The following ZMAT3 variants were observed in gnomAD, a reference collection of about 807,000 sequenced individuals.
The protein encoded by ZMAT3 is zinc finger matrin-type protein 3.
ZMAT3 carries 17 observed loss-of-function variants against 32.3 expected under a neutral mutation model. The observed-to-expected ratio is 0.53, with a 90% CI of 0.36 to 0.79. ZMAT3 has a LOEUF of 0.79. ZMAT3 is among the 30% of genes least tolerant of loss of function. The probability of loss-of-function intolerance (pLI) is 0.00; values close to 1 mark genes in which losing one functional copy is unlikely to be tolerated. For synonymous variants in ZMAT3, 120 were observed against 133.1 expected, an observed-to-expected ratio of 0.90 and a Z score of 0.68; for missense variants, 329 against 359.7, an observed-to-expected ratio of 0.91 and a Z score of 0.69.
chr3:179,067,614 G>C lies in ZMAT3; in HGVS notation c.139C>G (p.Leu47Val). ...KPFGQEASLP[L>V]AGEEELSKGG... ...TTCGATAACTCTTCTTCCCCTGCAA[G>C]AGGCAAGGAAGCCTCCTGCCCAAAA... Residue 47 changes from leucine (L) to valine (V), a missense_variant, in exon 2 of 6, where the codon CTT becomes GTT. Coordinates refer to ENST00000311417, the MANE Select transcript of ZMAT3 (RefSeq NM_022470.4). 1 of 1,614,204 alleles carries C rather than the reference G, an allele frequency of 6.2e-7. No individual in the cohort carries two copies. Among genetic ancestry groups the C allele is most frequent in the Admixed American group, 1.7e-5 (1 of 60,018 alleles).
chr3:179,031,947 C>T (rs1448849783), intron 2 of ZMAT3, among the ~76,000 whole-genome samples: 1 of 4,966 alleles, frequency 2.0e-4, no homozygotes, highest in African/African-American at 8.7e-4. Context: ...CTCCCCCTCC[C>T]CCTCCCCCTC....
Position 179,021,459 on chromosome 3 carries a change from A to T in ZMAT3, c.*3558T>A, listed in dbSNP as rs1484173525. 4 of 152,198 alleles carry T rather than the reference A, an allele frequency of 2.6e-5. No homozygotes were observed. The highest frequency in any genetic ancestry group is 2.1e-4 in the South Asian group (1 of 4,832). The allele number at this position is 152,198 out of a possible 1,614,324, so 9.4% of individuals were successfully genotyped here. Reference sequence around the variant, plus strand: ...CATCTTCTAACGTTGATTTTTTATGACAACTTACACAAAGATATTATTCAC... The same window carrying T: ...CATCTTCTAACGTTGATTTTTTATGTCAACTTACACAAAGATATTATTCAC... On this transcript the variant is annotated 3_prime_UTR_variant, in exon 6 of 6. Transcript: ENST00000311417.
Position 179,023,689 on chromosome 3 carries a change from A to AATATATATATATATAT in ZMAT3, c.*1327_*1328insATATATATATATATAT, listed in dbSNP as rs1232846996. ...CTTTGTTTCCTAAAAACTGCTGGAAAATATATCTATATATATATATATTTT... is the reference window on the plus strand; with the variant it reads ...CTTTGTTTCCTAAAAACTGCTGGAAAATATATATATATATATATATATCTATATATATATATATTTT... On this transcript the variant is annotated 3_prime_UTR_variant, in exon 6 of 6. Coordinates refer to ENST00000311417, the MANE Select transcript of ZMAT3 (RefSeq NM_022470.4). 0.02 allele frequency: 841 copies of AATATATATATATATAT among 42,126 alleles called. 211 individuals carry two copies. Among genetic ancestry groups the AATATATATATATATAT allele is most frequent in the African/African-American group, 0.04 (296 of 7,412 alleles). The allele number at this position is 42,126 out of a possible 1,614,324, so 2.6% of individuals were successfully genotyped here.
At chr3:179,067,875 T>C in intron 1 of ZMAT3, 66 bp from the exon 2 acceptor site, 5 of 1,396,040 alleles carry the variant, frequency 3.6e-6, no homozygotes, top group South Asian at 2.8e-5. Flanking sequence ...CAAGATAACA[T>C]GTAAATGACA....
intron 1 of ZMAT3, among the ~76,000 whole-genome samples, chr3:179,071,024 G>A (rs1025775178): frequency 2.6e-5 from 4 of 152,020 alleles, no homozygotes; most frequent in Non-Finnish European, 5.9e-5. Context: ...GAAAGGCAGC[G>A]AGCATTACTC....
rs1718381204 is a variant in ZMAT3 at position 179,018,415 on chromosome 3, A to T, written c.*6602T>A. The stretch of plus-strand genomic sequence containing the variant: ...CTTAATTTGGAACTATGGCCATGAG[A>T]ATATGTTTAAGTTCAAAGAACTGCC... On this transcript the variant is annotated 3_prime_UTR_variant, in exon 6 of 6. Coordinates refer to ENST00000311417, the MANE Select transcript of ZMAT3 (RefSeq NM_022470.4). 1 of 152,126 alleles carries T rather than the reference A, an allele frequency of 6.6e-6. No homozygotes were observed. The highest frequency in any genetic ancestry group is 6.6e-5 in the Admixed American group (1 of 15,264). The allele number at this position is 152,126 out of a possible 1,614,324, so 9.4% of individuals were successfully genotyped here.
chr3:179,031,936 C>CCTCTCCCT (rs1560085566), intron 2 of ZMAT3, among the ~76,000 whole-genome samples: 1 of 1,406 alleles, frequency 7.1e-4, no homozygotes, highest in Non-Finnish European at 1.7e-3. Context: ...TCTCCCTCTC[C>CCTCTCCCT]CTCCCCCTCC....
intron 2 of ZMAT3, among the ~76,000 whole-genome samples, chr3:179,052,454 T>TA (rs1358613349): frequency 6.6e-6 from 1 of 152,200 alleles, no homozygotes; most frequent in Non-Finnish European, 1.5e-5. Flanking sequence ...GATACCACCT[T>TA]ACTCCTGCAA....
intron 2 of ZMAT3, among the ~76,000 whole-genome samples, chr3:179,049,991 CAAAAAAAAAAAAAAA>C (rs34239014): frequency 1.2e-4 from 1 of 8,128 alleles, no homozygotes; most frequent in Non-Finnish European, 2.1e-4. Flanking sequence ...GACTCCGTCT[CAAAAAAAAAAAAAAA>C]AAAAAAAAAA....
intron 5 of ZMAT3, among the ~76,000 whole-genome samples, chr3:179,026,586 G>A (rs968034863): frequency 8.6e-5 from 13 of 151,792 alleles, no homozygotes; most frequent in African/African-American, 1.7e-4. Flanking sequence ...GGGTTTCACC[G>A]TGTTGGCCAG....
Position 179,022,488 on chromosome 3 carries a change from A to G in ZMAT3, c.*2529T>C, listed in dbSNP as rs1245284570. 3 of 152,130 alleles carry G rather than the reference A, an allele frequency of 2.0e-5. No homozygotes were observed. Among genetic ancestry groups the G allele is most frequent in the Non-Finnish European group, 4.4e-5 (3 of 68,016 alleles). The allele number at this position is 152,130 out of a possible 1,614,324, so 9.4% of individuals were successfully genotyped here. ...AGGAAAAAAACTAGATTTTTAGGTA[A>G]TCATAGAACCAAGCGGCCAGCACTA... On this transcript the variant is annotated 3_prime_UTR_variant, in exon 6 of 6. Coordinates refer to ENST00000311417, the MANE Select transcript of ZMAT3 (RefSeq NM_022470.4).
Position 179,025,008 on chromosome 3 carries a change from T to C in ZMAT3, c.*9A>G. On this transcript the variant is annotated 3_prime_UTR_variant, in exon 6 of 6. Coordinates refer to ENST00000311417, the MANE Select transcript of ZMAT3 (RefSeq NM_022470.4). ...CAGGAAAAGCTGCTCTATCTTAATA[T>C]GATAATCACTATACATATCCCAGAT... is the stretch of plus-strand genomic sequence containing the variant. The C allele has an allele frequency of 1.2e-6, 2 of 1,613,908 alleles. No homozygotes were observed.
Position 179,020,962 on chromosome 3 carries a change from T to C in ZMAT3, c.*4055A>G, listed in dbSNP as rs925859103. The stretch of plus-strand genomic sequence containing the variant: ...AAGCTTTCTAAAATGAGGTGGAAGA[T>C]CTCGTGCTTCTTGTTAGCTTTTTAA... On this transcript the variant is annotated 3_prime_UTR_variant, in exon 6 of 6. Transcript: ENST00000311417. The C allele has an allele frequency of 1.3e-5, 2 of 152,040 alleles. No homozygotes were observed. The highest frequency in any genetic ancestry group is 4.8e-5 in the African/African-American group (2 of 41,382). The allele number at this position is 152,040 out of a possible 1,614,324, so 9.4% of individuals were successfully genotyped here.
At chr3:179,040,167 T>C (rs1013470674) in intron 2 of ZMAT3, among the ~76,000 whole-genome samples, 2 of 152,206 alleles carry the variant, frequency 1.3e-5, no homozygotes, top group African/African-American at 4.8e-5. Flanking sequence ...TTCAGGATAT[T>C]ATCCAGGAGA....
At chr3:179,058,915 A>AG (rs1721007741) in intron 2 of ZMAT3, among the ~76,000 whole-genome samples, 1 of 152,194 alleles carries the variant, frequency 6.6e-6, no homozygotes, top group South Asian at 2.1e-4. Flanking sequence ...AATTAGGAGA[A>AG]GGAAAAAGGG....
chr3:179,040,160 A>T (rs1719837985), intron 2 of ZMAT3, among the ~76,000 whole-genome samples: 1 of 152,228 alleles, frequency 6.6e-6, no homozygotes. Context: ...AACACTCTTC[A>T]GGATATTATC....
chr3:179,050,506 C>T (rs991808109), intron 2 of ZMAT3, among the ~76,000 whole-genome samples: 1 of 151,974 alleles, frequency 6.6e-6, no homozygotes, highest in Non-Finnish European at 1.5e-5. Context: ...AGTCCAAGAC[C>T]AGAAAGATGC....
At chr3:179,040,461 A>C (rs1719858030) in intron 2 of ZMAT3, among the ~76,000 whole-genome samples, 1 of 152,226 alleles carries the variant, frequency 6.6e-6, no homozygotes, top group Non-Finnish European at 1.5e-5. Flanking sequence ...TTCAACCCAG[A>C]ATTTCATATC....
intron 2 of ZMAT3, among the ~76,000 whole-genome samples, chr3:179,060,803 G>A (rs2108583231): frequency 6.6e-6 from 1 of 151,776 alleles, no homozygotes; most frequent in Non-Finnish European, 1.5e-5. Context: ...ATAAAAGGGA[G>A]AGCCTAAAAG....
Sources: allele counts gnomAD v4.1 joint callset (sites outside exome capture counted in the v4.1 genomes callset), GRCh38; gene constraint gnomAD v4.1.1; transcripts MANE v1.5; gene names NCBI Gene and HGNC (gene_info 2026-07-23, HGNC 2026-07-21).